Variants in ADGRE3 observed in about 807,000 individuals in gnomAD.
ADGRE3 encodes adhesion G protein-coupled receptor E3.
A neutral mutation model predicts 80.1 loss-of-function variants in ADGRE3; 88 were observed. That is an observed-to-expected ratio of 1.10 (90% confidence interval 0.93 to 1.31). ADGRE3 has a LOEUF of 1.31. Ranked by LOEUF, ADGRE3 falls within the 40% of genes most tolerant of loss-of-function variation. The pLI, the probability that ADGRE3 is intolerant of heterozygous loss-of-function variation, is 0.00. For missense variants in ADGRE3, 715 were observed against 776.5 expected (o/e 0.92, Z 0.94); for synonymous variants, 281 against 294.8 (o/e 0.95, Z 0.48).
At chr19:14,631,297 T>C (rs1363788693) in intron 13 of ADGRE3, among the ~76,000 whole-genome samples, 2 of 152,110 alleles carry the variant, frequency 1.3e-5, no homozygotes, top group African/African-American at 4.8e-5. Context: ...GATTTGATCA[T>C]TGCACATTTT....
intron 2 of ADGRE3, among the ~76,000 whole-genome samples, chr19:14,665,306 G>A (rs900058582): frequency 5.3e-5 from 8 of 151,656 alleles, no homozygotes; most frequent in Admixed American, 4.6e-4. Flanking sequence ...CTCGTGATCC[G>A]CCTGCCTCGG....
downstream of ADGRE3, among the ~76,000 whole-genome samples, chr19:14,616,201 T>G (rs977259259): frequency 6.6e-6 from 1 of 152,080 alleles, no homozygotes; most frequent in Non-Finnish European, 1.5e-5. Context: ...CCACGTGAAC[T>G]CCTCGTGATC....
At chr19:14,623,330 T>C (rs112865213) in intron 15 of ADGRE3, among the ~76,000 whole-genome samples, 516 of 128,992 alleles carry the variant, frequency 4.0e-3, no homozygotes, top group African/African-American at 5.5e-3. Flanking sequence ...CTCCTGGACT[T>C]AAGTGATCCT....
the ADGRE3 span, among the ~76,000 whole-genome samples, chr19:14,601,465 C>T: frequency 6.6e-6 from 1 of 152,136 alleles, no homozygotes. Flanking sequence ...CAATATGTAT[C>T]ATCTGTACTT....
rs1971834556 is a variant in ADGRE3 at position 14,658,373 on chromosome 19, T to C, written c.393+140A>G. ...GTATTTATATATAACATATTCTTTG[T>C]CCTAAATAATACATTATATATGTAT... is the stretch of plus-strand genomic sequence containing the variant. On this transcript the variant is annotated intron_variant, in intron 5 of 15. Transcript: ENST00000253673. 4 of 341,338 alleles carry C rather than the reference T, an allele frequency of 1.2e-5. No homozygotes were observed. The Admixed American group carries it at 1.9e-4, about 17-fold the overall frequency. 21.1% of individuals were successfully genotyped at this position (341,338 alleles called of 1,614,324 possible).
the ADGRE3 span, among the ~76,000 whole-genome samples, chr19:14,607,422 C>G: frequency 5.3e-5 from 8 of 151,788 alleles, no homozygotes; most frequent in East Asian, 1.2e-3. Context: ...CCAGGATGGT[C>G]TTGATCTCCT....
chr19:14,619,389 G>A lies in ADGRE3; in HGVS notation c.*44C>T. On this transcript the variant is annotated 3_prime_UTR_variant, in exon 16 of 16. Transcript: ENST00000253673. The stretch of plus-strand genomic sequence containing the variant: ...GCTTCATTCTTCATAATGCCAAAGA[G>A]ATCCATGGATATGATTTTCCATATG... The A allele has an allele frequency of 1.5e-6, 2 of 1,319,094 alleles. No homozygotes were observed. The highest frequency in any genetic ancestry group is 2.2e-6 in the Non-Finnish European group (2 of 913,252). The allele number at this position is 1,319,094 out of a possible 1,614,324, so 81.7% of individuals were successfully genotyped here.
chr19:14,625,532 G>A lies in ADGRE3; in HGVS notation c.1880C>T (p.Thr627Ile), dbSNP rs761988614. Residue 627 changes from threonine to isoleucine, a missense_variant, in exon 15 of 16, where the codon ACA becomes ATA. Transcript: ENST00000253673. Reference protein sequence around the residue: ...VKSKSESETYTLSSKMGPDSK... With the variant: ...VKSKSESETYILSSKMGPDSK... The stretch of plus-strand genomic sequence containing the variant: ...GTCAGGACCCATCTTGCTGGAAAGT[G>A]TGTATGTCTCAGACTCAGATTTTGA... 13 of 1,613,658 alleles carry A rather than the reference G, an allele frequency of 8.1e-6. No homozygotes were observed. Among genetic ancestry groups the A allele is most frequent in the Non-Finnish European group, 1.1e-5 (13 of 1,179,694 alleles).
intron 15 of ADGRE3, among the ~76,000 whole-genome samples, chr19:14,620,475 GAGTACATATGAATA>G (rs1970528867): frequency 9.5e-5 from 3 of 31,682 alleles, no homozygotes; most frequent in African/African-American, 1.3e-4. Context: ...AATATATTAT[GAGTACATATGAATA>G]TATATGAATA....
chr19:14,661,063 T>C (rs774221898), intron 4 of ADGRE3, among the ~76,000 whole-genome samples: 2 of 144,984 alleles, frequency 1.4e-5, no homozygotes, highest in African/African-American at 5.1e-5. Flanking sequence ...TGCTTCACCC[T>C]CCTGAGAAGC....
chr19:14,656,724 C>T (rs145515769), intron 5 of ADGRE3, among the ~76,000 whole-genome samples: 2 of 152,242 alleles, frequency 1.3e-5, no homozygotes, highest in African/African-American at 4.8e-5. Context: ...CTGGCATTGA[C>T]CCATAAGCTT....
At chr19:14,630,244 A>G (rs771081636) in intron 13 of ADGRE3, 37 bp from the exon 14 acceptor site, 1 of 1,559,996 alleles carries the variant, frequency 6.4e-7, no homozygotes, top group South Asian at 1.2e-5. Flanking sequence ...ATGTCAAAAA[A>G]CTAATAATGA....
At position 14,620,539 on chromosome 19, in the gene ADGRE3, AT is replaced by A. The variant is rs1970546771; in HGVS notation, c.1921-1069del. Reference sequence around the variant, plus strand: ...GACTATATATGAATATATATATTTTATATATATATTATATATATATATATAT... The same window carrying A: ...GACTATATATGAATATATATATTTTAATATATATTATATATATATATATAT... On this transcript the variant is annotated intron_variant, in intron 15 of 15. Transcript: ENST00000253673. 2.8e-4 allele frequency among the ~76,000 whole-genome samples: 4 copies of A among 14,202 alleles called. 1 individual carries two copies. The Admixed American group carries it at 4.5e-3, about 16-fold the overall frequency. 9.3% of individuals were successfully genotyped at this position (14,202 alleles called of 152,430 possible).
intron 1 of ADGRE3, among the ~76,000 whole-genome samples, chr19:14,673,407 G>A (rs1972308604): frequency 6.6e-6 from 1 of 152,200 alleles, no homozygotes. Context: ...TCTGGAGCTG[G>A]AAAGATGGAT....
At chr19:14,631,384 TA>T (rs1262758438) in intron 13 of ADGRE3, among the ~76,000 whole-genome samples, 4 of 138,776 alleles carry the variant, frequency 2.9e-5, no homozygotes, top group Admixed American at 7.4e-5. Context: ...AAAATAATAA[TA>T]AAAAATGAAA....
At chr19:14,628,646 C>T in intron 14 of ADGRE3, 1 of 334,862 alleles carries the variant, frequency 3.0e-6, no homozygotes, top group South Asian at 2.9e-5. Context: ...AAGTTCAAGA[C>T]CTCATCATGC....
chr19:14,658,612 G>A, intron 4 of ADGRE3, 62 bp from the exon 5 acceptor site: 1 of 1,332,174 alleles, frequency 7.5e-7, no homozygotes, highest in Non-Finnish European at 1.0e-6. Flanking sequence ...AGAGGGGTGG[G>A]CAGGTGGGGT....
chr19:14,651,986 G>T (rs1359228349), intron 6 of ADGRE3, among the ~76,000 whole-genome samples: 3 of 152,204 alleles, frequency 2.0e-5, no homozygotes, highest in Non-Finnish European at 2.9e-5. Context: ...AGGTTGCAGT[G>T]AGCTGAGATC....
chr19:14,605,716 CTTTCT>C, the ADGRE3 span, among the ~76,000 whole-genome samples: 5 of 151,974 alleles, frequency 3.3e-5, no homozygotes, highest in Admixed American at 2.0e-4. Flanking sequence ...GTCATAAGTC[CTTTCT>C]TTTCTTCCAA....
Sources: gnomAD v4.1 joint callset for allele counts (sites outside exome capture counted in the v4.1 genomes callset) on GRCh38, gnomAD v4.1.1 for gene constraint, MANE v1.5 for transcripts, NCBI Gene and HGNC (gene_info 2026-07-23, HGNC 2026-07-21) for gene names.